Variants in OXCT1 observed in about 807,000 individuals in gnomAD.
OXCT1 encodes the protein succinyl-CoA:3-ketoacid coenzyme A transferase 1, mitochondrial.
OXCT1 carries 27 observed loss-of-function variants against 69.6 expected under a neutral mutation model. The ratio of observed to expected loss-of-function variants is 0.39; its 90% CI spans 0.29 to 0.54. The LOEUF is 0.54. Ranked by LOEUF, OXCT1 falls within the 20% of genes least tolerant of loss-of-function variation. OXCT1 has a pLI of 0.72. For missense variants in OXCT1, 437 were observed against 650.2 expected, an observed-to-expected ratio of 0.67 and a Z score of 3.57; for synonymous variants, 202 against 217.8, an observed-to-expected ratio of 0.93 and a Z score of 0.64.
chr5:41,863,575 C>T (rs1376188323), intron 1 of OXCT1, among the ~76,000 whole-genome samples: 1 of 152,146 alleles, frequency 6.6e-6, no homozygotes, highest in Non-Finnish European at 1.5e-5. Flanking sequence ...ATTTTATCCA[C>T]AGATTATCAC....
intron 1 of OXCT1, among the ~76,000 whole-genome samples, chr5:41,863,451 C>T (rs985411862): frequency 1.6e-4 from 24 of 152,030 alleles, no homozygotes; most frequent in African/African-American, 5.8e-4. Context: ...AACATCTCAC[C>T]AACCCCTCAC....
At chr5:41,760,157 T>C (rs1744277774) in intron 14 of OXCT1, among the ~76,000 whole-genome samples, 1 of 151,976 alleles carries the variant, frequency 6.6e-6, no homozygotes, top group East Asian at 1.9e-4. Flanking sequence ...TAACCATGAG[T>C]CCAGGTGAAC....
chr5:41,794,620 C>G, intron 12 of OXCT1, 57 bp downstream of exon 12: 1 of 1,491,166 alleles, frequency 6.7e-7, no homozygotes, highest in Non-Finnish European at 9.3e-7. Flanking sequence ...CACACTCAGA[C>G]GATGACTCAG....
At chr5:41,743,729 A>G (rs1489881809) in intron 15 of OXCT1, among the ~76,000 whole-genome samples, 1 of 152,156 alleles carries the variant, frequency 6.6e-6, no homozygotes, top group Non-Finnish European at 1.5e-5. Context: ...CCATTTATTA[A>G]ATAGGGAATC....
At chr5:41,826,632 TC>T (rs1395502556) in intron 7 of OXCT1, among the ~76,000 whole-genome samples, 1 of 141,414 alleles carries the variant, frequency 7.1e-6, no homozygotes, top group Admixed American at 7.3e-5. Context: ...CATATTCTGT[TC>T]AAAAAAAAAA....
chr5:41,835,489 A>G (rs1239545742), intron 7 of OXCT1, among the ~76,000 whole-genome samples: 4 of 152,234 alleles, frequency 2.6e-5, no homozygotes, highest in Admixed American at 1.3e-4. Flanking sequence ...TAATTCTTAT[A>G]TTAGATGGGT....
intron 7 of OXCT1, among the ~76,000 whole-genome samples, chr5:41,837,739 T>C (rs986636336): frequency 6.6e-6 from 1 of 151,964 alleles, no homozygotes; most frequent in Non-Finnish European, 1.5e-5. Context: ...CATTGATAGA[T>C]AACATGGAAG....
intron 7 of OXCT1, among the ~76,000 whole-genome samples, chr5:41,840,056 C>G (rs1317832271): frequency 2.0e-5 from 3 of 152,196 alleles, no homozygotes; most frequent in African/African-American, 7.2e-5. Flanking sequence ...GTGCAATGCT[C>G]TTCCCTTAAA....
intron 13 of OXCT1, among the ~76,000 whole-genome samples, chr5:41,771,392 A>G (rs529100486): frequency 1.7e-4 from 26 of 152,346 alleles, no homozygotes; most frequent in Non-Finnish European, 3.4e-4. Context: ...TTCTCAAGGT[A>G]CAATCAATGT....
chr5:41,741,450 T>C lies in OXCT1; in HGVS notation c.1420-1959A>G, dbSNP rs192880591. Among the ~76,000 whole-genome samples the C allele has an allele frequency of 4.6e-5, 7 of 152,270 alleles. No homozygotes were observed. In the East Asian group the frequency reaches 1.4e-3, roughly 29 times the overall value. The stretch of plus-strand genomic sequence containing the variant: ...CTGTCTTTGCATCTGTAGACATATA[T>C]AATAAAAATGTACTTCCCAAGATTG... On this transcript the variant is annotated intron_variant, in intron 15 of 16. Transcript: ENST00000196371.
chr5:41,737,589 C>A (rs1742949789), intron 16 of OXCT1, among the ~76,000 whole-genome samples: 1 of 152,156 alleles, frequency 6.6e-6, no homozygotes. Flanking sequence ...GCATATCCTT[C>A]CCCTTGAGGT....
chr5:41,753,332 C>G (rs1312483682), intron 14 of OXCT1, among the ~76,000 whole-genome samples: 1 of 149,936 alleles, frequency 6.7e-6, no homozygotes, highest in Non-Finnish European at 1.5e-5. Context: ...CACACACACA[C>G]AGACACACAC....
Position 41,807,450 on chromosome 5 carries a change from GA to G in OXCT1, c.733-13del, listed in dbSNP as rs773402648. On this transcript the variant is annotated splice_polypyrimidine_tract_variant and intron_variant, in intron 7 of 16. Coordinates refer to ENST00000196371, the MANE Select transcript of OXCT1 (RefSeq NM_000436.4). Reference sequence around the variant, plus strand: ...ACAATTTCTTCAACCTAGACAAAGAGAAATTTCTTTCAAAGTTAGTGAAAGC... The same window carrying G: ...ACAATTTCTTCAACCTAGACAAAGAGAATTTCTTTCAAAGTTAGTGAAAGC... 6.7e-7 allele frequency: 1 copy of G among 1,491,916 alleles called. No homozygotes were observed. The allele number at this position is 1,491,916 out of a possible 1,614,324, so 92.4% of individuals were successfully genotyped here.
intron 13 of OXCT1, among the ~76,000 whole-genome samples, chr5:41,791,720 A>G (rs1185697437): frequency 2.0e-5 from 3 of 152,210 alleles, no homozygotes; most frequent in African/African-American, 7.2e-5. Flanking sequence ...AGATGTATTT[A>G]AAACCCTATT....
At chr5:41,819,662 CTT>C (rs750306605) in intron 7 of OXCT1, among the ~76,000 whole-genome samples, 25 of 138,998 alleles carry the variant, frequency 1.8e-4, no homozygotes, top group Admixed American at 2.2e-4. Flanking sequence ...GAGCCACCTT[CTT>C]TTTTTTTTTT....
rs147982623 is a variant in OXCT1 at position 41,815,629 on chromosome 5, A to C, written c.733-8191T>G. Among the ~76,000 whole-genome samples, 216 of 152,334 alleles carry C rather than the reference A, an allele frequency of 1.4e-3. 5 individuals carry two copies. In the East Asian group the frequency reaches 0.039, roughly 28 times the overall value. ...AGGACTGTGGCAAATCCAGAGAAATAATTAAAATGAATACATCTACCCAAA... is the reference window on the plus strand; with the variant it reads ...AGGACTGTGGCAAATCCAGAGAAATCATTAAAATGAATACATCTACCCAAA... On this transcript the variant is annotated intron_variant, in intron 7 of 16. Transcript: ENST00000196371.
intron 7 of OXCT1, among the ~76,000 whole-genome samples, chr5:41,818,793 G>A (rs1249602300): frequency 2.0e-5 from 3 of 151,950 alleles, no homozygotes; most frequent in African/African-American, 7.3e-5. Context: ...ATTAACAAAA[G>A]GGGTCAATGA....
At chr5:41,795,809 T>C (rs1746155065) in intron 11 of OXCT1, among the ~76,000 whole-genome samples, 1 of 152,142 alleles carries the variant, frequency 6.6e-6, no homozygotes, top group South Asian at 2.1e-4. Flanking sequence ...TATATGTATA[T>C]CAAATCATCA....
chr5:41,731,509 G>A lies in OXCT1; in HGVS notation c.*220C>T, dbSNP rs1742621617. The A allele has an allele frequency of 1.1e-6, 1 of 900,592 alleles. No individual in the cohort carries two copies. The highest frequency in any genetic ancestry group is 1.7e-5 in the African/African-American group (1 of 58,886). The allele number at this position is 900,592 out of a possible 1,614,324, so 55.8% of individuals were successfully genotyped here. A position where few individuals can be genotyped will look rare whatever the true frequency, so the allele number is the denominator to read the frequency against. On this transcript the variant is annotated 3_prime_UTR_variant, in exon 17 of 17. Coordinates refer to ENST00000196371, the MANE Select transcript of OXCT1 (RefSeq NM_000436.4). ...ACCTATTATAAAAACAACCTTCTCA[G>A]CCTTAACAAATGAGATAATTATAAA...
Sources: allele counts gnomAD v4.1 joint callset (sites outside exome capture counted in the v4.1 genomes callset), GRCh38; gene constraint gnomAD v4.1.1; transcripts MANE v1.5; gene names NCBI Gene and HGNC (gene_info 2026-07-23, HGNC 2026-07-21).